The following EGLN1 variants were observed in gnomAD, a reference collection of about 807,000 sequenced individuals.
EGLN1 encodes egl nine homolog 1.
Under a neutral mutation model 38.3 loss-of-function variants are expected in EGLN1, and 17 were observed. That is an observed-to-expected ratio of 0.44 (90% CI 0.30 to 0.67). The LOEUF (loss-of-function observed/expected upper bound fraction) is 0.67. EGLN1 is among the 30% of genes least tolerant of loss of function. EGLN1 has a pLI of 0.08. For missense variants in EGLN1, 477 were observed against 603.3 expected, an observed-to-expected ratio of 0.79 and a Z score of 2.19; for synonymous variants, 283 against 257.5, an observed-to-expected ratio of 1.10 and a Z score of -0.95.
intron 1 of EGLN1, among the ~76,000 whole-genome samples, chr1:231,406,111 A>G (rs551122648): frequency 1.4e-4 from 21 of 147,784 alleles, no homozygotes; most frequent in Non-Finnish European, 2.4e-4. Flanking sequence ...GCAGTGAGCC[A>G]AGATTGCACC....
intron 2 of EGLN1, among the ~76,000 whole-genome samples, chr1:231,373,669 CGTGT>C (rs150455754): frequency 8.4e-6 from 1 of 119,588 alleles, no homozygotes; most frequent in Non-Finnish European, 1.7e-5. Flanking sequence ...CCCCTAACCT[CGTGT>C]GTGCGTGTGT....
Position 231,391,088 on chromosome 1 carries a change from T to TGTGTGTGTG in EGLN1, c.892-16990_892-16989insCACACACAC, listed in dbSNP as rs1558387104. On this transcript the variant is annotated intron_variant, in intron 1 of 4. Coordinates refer to ENST00000366641, the MANE Select transcript of EGLN1 (RefSeq NM_022051.3). Reference sequence around the variant, plus strand: ...TGAGACAGGGAACTCATTCTGTTTTTTTTTTGTGTGTGTGTGTGTGTGTGT... The same window carrying TGTGTGTGTG: ...TGAGACAGGGAACTCATTCTGTTTTTGTGTGTGTGTTTTTGTGTGTGTGTGTGTGTGTGT... 1.7e-3 allele frequency among the ~76,000 whole-genome samples: 58 copies of TGTGTGTGTG among 34,730 alleles called. 6 individuals carry two copies. The highest frequency in any genetic ancestry group is 4.0e-3 in the African/African-American group (56 of 14,032). The allele number at this position is 34,730 out of a possible 152,430, so 22.8% of individuals were successfully genotyped here. A position where few individuals can be genotyped will look rare whatever the true frequency, so the allele number is the denominator to read the frequency against.
intron 1 of EGLN1, among the ~76,000 whole-genome samples, chr1:231,392,403 G>C (rs376750950): frequency 6.6e-6 from 1 of 152,278 alleles, no homozygotes; most frequent in South Asian, 2.1e-4. Flanking sequence ...TGCTATTTAA[G>C]TCATATTAAC....
At chr1:231,369,885 T>C (rs1332169027) in intron 3 of EGLN1, among the ~76,000 whole-genome samples, 3 of 152,220 alleles carry the variant, frequency 2.0e-5, no homozygotes, top group Non-Finnish European at 4.4e-5. Flanking sequence ...TGATAATGTC[T>C]ACAATATCTT....
rs1687576462 is a variant in EGLN1 at position 231,364,200 on chromosome 1, T to G, written c.*2211A>C. 6.6e-6 allele frequency: 1 copy of G among 152,202 alleles called. No individual in the cohort carries two copies. Among genetic ancestry groups the G allele is most frequent in the Admixed American group, 6.5e-5 (1 of 15,276 alleles). The allele number at this position is 152,202 out of a possible 1,614,324, so 9.4% of individuals were successfully genotyped here. A position where few individuals can be genotyped will look rare whatever the true frequency, so the allele number is the denominator to read the frequency against. ...AGCACAACCCACAGATAGTAGAATCTAATACTTTTTACAACTGTAGAGGTA... is the reference window on the plus strand; with the variant it reads ...AGCACAACCCACAGATAGTAGAATCGAATACTTTTTACAACTGTAGAGGTA... On this transcript the variant is annotated 3_prime_UTR_variant, in exon 5 of 5. Transcript: ENST00000366641.
At chr1:231,375,038 C>T (rs1306980027) in intron 1 of EGLN1, among the ~76,000 whole-genome samples, 3 of 152,240 alleles carry the variant, frequency 2.0e-5, no homozygotes, top group South Asian at 2.1e-4. Flanking sequence ...CAAACAAAGA[C>T]GTTCAAGGTT....
chr1:231,377,341 G>A (rs1687985592), intron 1 of EGLN1, among the ~76,000 whole-genome samples: 1 of 152,194 alleles, frequency 6.6e-6, no homozygotes, highest in Non-Finnish European at 1.5e-5. Flanking sequence ...CTAGACTGCA[G>A]GAAGCAAAGA....
Position 231,421,861 on chromosome 1 carries a change from C to T in EGLN1, c.28G>A (p.Gly10Arg). MANDSGGPG[G>R]PSPSERDRQY... ...CGGTCTCGCTCGCTCGGGCTCGGCC[C>T]GCCGGGCCCGCCGCTGTCATTGGCC... The change falls in exon 1 of 5, where the codon GGG becomes AGG. Residue 10 changes from glycine to arginine, a missense_variant. Transcript: ENST00000366641. This position sits in a 1 kb window ranked among gnomAD's most constrained non-coding sequence, Gnocchi z 5.5. 7 of 1,484,938 alleles carry T rather than the reference C, an allele frequency of 4.7e-6. No homozygotes were observed. The highest frequency in any genetic ancestry group is 2.2e-5 in the Admixed American group (1 of 44,542). 92.0% of individuals were successfully genotyped at this position (1,484,938 alleles called of 1,614,324 possible). A position where few individuals can be genotyped will look rare whatever the true frequency, so the allele number is the denominator to read the frequency against.
intron 1 of EGLN1, among the ~76,000 whole-genome samples, chr1:231,402,085 A>G (rs1241820114): frequency 6.6e-6 from 1 of 152,124 alleles, no homozygotes; most frequent in Non-Finnish European, 1.5e-5. Flanking sequence ...GAATCTTTTC[A>G]TGCACTTGGC....
At chr1:231,405,852 T>C (rs1447391325) in intron 1 of EGLN1, among the ~76,000 whole-genome samples, 3 of 152,086 alleles carry the variant, frequency 2.0e-5, no homozygotes, top group Non-Finnish European at 4.4e-5. Context: ...TATTCTTCCA[T>C]ATTCTGCAGA....
chr1:231,406,824 A>T (rs1331542692), intron 1 of EGLN1, among the ~76,000 whole-genome samples: 1 of 152,116 alleles, frequency 6.6e-6, no homozygotes, highest in Non-Finnish European at 1.5e-5. Context: ...AGCAAAACAA[A>T]GTTGTGAGAC....
chr1:231,367,583 A>C lies in EGLN1; in HGVS notation c.1202T>G (p.Val401Gly), dbSNP rs149479360. ...ATGACGTTTACCTGTTAGATATTTT[A>C]CTTTAGCTCGTGCTCTCTCATCTGC... The part of the protein sequence containing the change: ...FDADERARAK[V>G]KYLTGEKGVR... The change falls in exon 4 of 5, where the codon GTA (valine) becomes GGA (glycine). Residue 401 changes from valine to glycine, a missense_variant. By Grantham distance (109) the Val-to-Gly change is moderately radical. Transcript: ENST00000366641. 1.9e-6 allele frequency: 3 copies of C among 1,614,046 alleles called. No individual in the cohort carries two copies. Among genetic ancestry groups the C allele is most frequent in the Non-Finnish European group, 1.7e-6 (2 of 1,180,000 alleles).
Position 231,366,558 on chromosome 1 carries a change from A to C in EGLN1, c.1217-83T>G, listed in dbSNP as rs1046601504. The C allele has an allele frequency of 2.1e-4, 293 of 1,367,664 alleles. 1 individual carries two copies. Among genetic ancestry groups the C allele is most frequent in the Non-Finnish European group, 2.9e-4 (278 of 966,410 alleles). 84.7% of individuals were successfully genotyped at this position (1,367,664 alleles called of 1,614,324 possible). On this transcript the variant is annotated intron_variant, in intron 4 of 4. Coordinates refer to ENST00000366641, the MANE Select transcript of EGLN1 (RefSeq NM_022051.3). ...GCTACTGCATTCCACTGAATTCCTA[A>C]GAGTATGGACAATATTTCAACTTTG...
chr1:231,405,548 A>T (rs1688767584), intron 1 of EGLN1, among the ~76,000 whole-genome samples: 1 of 152,184 alleles, frequency 6.6e-6, no homozygotes, highest in African/African-American at 2.4e-5. Flanking sequence ...TAATTAGGTC[A>T]GCATTACTCC....
chr1:231,369,266 T>C (rs1463654200), intron 3 of EGLN1, among the ~76,000 whole-genome samples: 1 of 152,158 alleles, frequency 6.6e-6, no homozygotes, highest in Non-Finnish European at 1.5e-5. Flanking sequence ...CTCTCCAATG[T>C]AGCACCACCT....
intron 3 of EGLN1, among the ~76,000 whole-genome samples, chr1:231,368,186 C>T (rs1016505385): frequency 6.6e-6 from 1 of 151,590 alleles, no homozygotes; most frequent in Admixed American, 6.6e-5. Context: ...GTGAGCCTCC[C>T]TCTAAAAAAA....
chr1:231,381,557 T>G (rs879380327), intron 1 of EGLN1, among the ~76,000 whole-genome samples: 27 of 152,018 alleles, frequency 1.8e-4, no homozygotes, highest in Non-Finnish European at 3.8e-4. Context: ...AGCCCATGAT[T>G]AAAAAAACTT....
chr1:231,418,045 T>C (rs1024463274), intron 1 of EGLN1, among the ~76,000 whole-genome samples: 4 of 152,168 alleles, frequency 2.6e-5, no homozygotes, highest in Non-Finnish European at 5.9e-5. Context: ...GCTGTGAAAG[T>C]TGAAATGAGA....
chr1:231,389,199 A>G (rs1380417673), intron 1 of EGLN1, among the ~76,000 whole-genome samples: 2 of 152,252 alleles, frequency 1.3e-5, no homozygotes, highest in Non-Finnish European at 2.9e-5. Context: ...AGAAGTAATA[A>G]CCAGCAGCAT....
Sources: gnomAD v4.1 joint callset for allele counts (sites outside exome capture counted in the v4.1 genomes callset) on GRCh38, gnomAD v4.1.1 for gene constraint, Gnocchi (gnomAD v3.1) non-coding constraint, MANE v1.5 for transcripts, NCBI Gene and HGNC (gene_info 2026-07-23, HGNC 2026-07-21) for gene names.